RPS6KC1: variants seen among roughly 807,000 people sequenced by gnomAD.
RPS6KC1 encodes the protein ribosomal protein S6 kinase C1.
In RPS6KC1, 54 loss-of-function variants were observed where a neutral mutation model predicts 103.8. The ratio of observed to expected loss-of-function variants is 0.52; its 90% CI spans 0.42 to 0.65. The LOEUF (loss-of-function observed/expected upper bound fraction) is 0.65. Among genes scored for constraint, RPS6KC1 ranks in the 30% least tolerant of loss-of-function variants. RPS6KC1 has a pLI of 0.00. For synonymous variants in RPS6KC1, 439 were observed against 438.7 expected, an observed-to-expected ratio of 1.00 and a Z score of -0.01; for missense variants, 1,151 against 1,253.8, an observed-to-expected ratio of 0.92 and a Z score of 1.24.
the RPS6KC1 span, among the ~76,000 whole-genome samples, chr1:213,729,057 A>G: frequency 6.6e-6 from 1 of 150,692 alleles, no homozygotes; most frequent in Non-Finnish European, 1.5e-5. Flanking sequence ...ATCAGTAAAT[A>G]TGTCCAAAGT....
chr1:213,206,385 CT>C (rs1192895721), intron 8 of RPS6KC1, among the ~76,000 whole-genome samples: 1 of 152,170 alleles, frequency 6.6e-6, no homozygotes, highest in Non-Finnish European at 1.5e-5. Flanking sequence ...TAACAAATAC[CT>C]TTTGAATGCT....
chr1:213,176,445 C>T lies in RPS6KC1; in HGVS notation c.997C>T (p.Pro333Ser), dbSNP rs1198996790. The T allele has an allele frequency of 6.2e-7, 1 of 1,608,970 alleles. No individual in the cohort carries two copies. Among genetic ancestry groups the T allele is most frequent in the Non-Finnish European group, 8.5e-7 (1 of 1,176,294 alleles). Residue 333 changes from proline (P) to serine (S), a missense_variant, in exon 8 of 15, where the codon CCT (proline) becomes TCT (serine). This residue lies in a region of RPS6KC1 where 959 missense variants were observed against 1,006.3 expected (regional missense o/e 0.95). Coordinates refer to ENST00000366960, the MANE Select transcript of RPS6KC1 (RefSeq NM_012424.6). ...SSRPLWNLRS[P>S]AEELKAFRVL... ...AAGGCCCCTTTGGAACCTAAGGAGC[C>T]CTGCCGAGGAGCTGAAGGCCTTCAG...
chr1:213,457,318 GCT>G, the RPS6KC1 span, among the ~76,000 whole-genome samples: 8 of 152,196 alleles, frequency 5.3e-5, no homozygotes, highest in Non-Finnish European at 1.2e-4. Flanking sequence ...GGCTGACCGT[GCT>G]CTCTGGGGAT....
the RPS6KC1 span, among the ~76,000 whole-genome samples, chr1:213,651,416 A>T: frequency 2.6e-5 from 4 of 152,292 alleles, no homozygotes; most frequent in South Asian, 8.3e-4. Flanking sequence ...ATCGGCCCCC[A>T]CTGTTTTAGG....
intron 4 of RPS6KC1, 83 bp from the exon 5 acceptor site, chr1:213,117,234 T>C: frequency 3.0e-6 from 2 of 661,698 alleles, no homozygotes; most frequent in South Asian, 3.4e-5. Flanking sequence ...TCTTTACACA[T>C]ACTTAATTGG....
At chr1:213,560,300 G>T in the RPS6KC1 span, among the ~76,000 whole-genome samples, 1 of 152,110 alleles carries the variant, frequency 6.6e-6, no homozygotes, top group Non-Finnish European at 1.5e-5. Flanking sequence ...TTTAAATCTG[G>T]GTTTAGAGGT....
intron 5 of RPS6KC1, among the ~76,000 whole-genome samples, chr1:213,128,526 C>A (rs181136275): frequency 1.8e-4 from 27 of 152,228 alleles, no homozygotes; most frequent in Admixed American, 1.3e-4. Flanking sequence ...GTGGATCGTG[C>A]TCATTTACCA....
chr1:213,490,801 TG>T, the RPS6KC1 span, among the ~76,000 whole-genome samples: 3 of 152,186 alleles, frequency 2.0e-5, no homozygotes, highest in Non-Finnish European at 2.9e-5. Context: ...GGTTTGCCTT[TG>T]TCTTTGGGAT....
chr1:213,434,225 A>G, the RPS6KC1 span, among the ~76,000 whole-genome samples: 12 of 151,804 alleles, frequency 7.9e-5, no homozygotes, highest in Admixed American at 7.9e-4. Context: ...GTCCTTTAAC[A>G]TTTCTTGGAG....
At chr1:213,710,843 C>T in the RPS6KC1 span, among the ~76,000 whole-genome samples, 2 of 152,072 alleles carry the variant, frequency 1.3e-5, no homozygotes, top group African/African-American at 4.8e-5. Context: ...GAAAATTGGC[C>T]CCCACTCTCT....
At chr1:213,178,118 T>G (rs1198982884) in intron 8 of RPS6KC1, among the ~76,000 whole-genome samples, 1 of 151,226 alleles carries the variant, frequency 6.6e-6, no homozygotes, top group South Asian at 2.1e-4. Flanking sequence ...CTGGGGAGTT[T>G]GAGGCTGCCG....
At chr1:213,159,495 T>A (rs571107742) in intron 6 of RPS6KC1, among the ~76,000 whole-genome samples, 26 of 152,356 alleles carry the variant, frequency 1.7e-4, no homozygotes, top group Non-Finnish European at 3.8e-4. Context: ...CATCATCATT[T>A]GCTTAAAAAA....
At chr1:213,323,704 A>AT in the RPS6KC1 span, among the ~76,000 whole-genome samples, 60 of 151,308 alleles carry the variant, frequency 4.0e-4, no homozygotes, top group African/African-American at 1.4e-3. Context: ...TCAAGATTTT[A>AT]TTTTTTTTTA....
chr1:213,667,533 T>C, the RPS6KC1 span, among the ~76,000 whole-genome samples: 2 of 152,240 alleles, frequency 1.3e-5, no homozygotes, highest in Non-Finnish European at 2.9e-5. Context: ...GTAATCTTTT[T>C]GCTGGTGGAA....
intron 8 of RPS6KC1, among the ~76,000 whole-genome samples, chr1:213,198,646 A>AC (rs2093041350): frequency 6.6e-6 from 1 of 152,248 alleles, no homozygotes; most frequent in African/African-American, 2.4e-5. Flanking sequence ...AAATGGGAAG[A>AC]ATAGACTACT....
chr1:213,752,908 C>A, the RPS6KC1 span, among the ~76,000 whole-genome samples: 1 of 152,190 alleles, frequency 6.6e-6, no homozygotes, highest in Non-Finnish European at 1.5e-5. Context: ...TCACAAAGAG[C>A]AAACCAGAAG....
At chr1:213,116,093 A>C (rs974826404) in intron 4 of RPS6KC1, among the ~76,000 whole-genome samples, 22 of 151,844 alleles carry the variant, frequency 1.4e-4, no homozygotes, top group African/African-American at 5.3e-4. Flanking sequence ...GCTGAGTTCA[A>C]TTCCTGGGTA....
chr1:213,314,336 A>C, the RPS6KC1 span, among the ~76,000 whole-genome samples: 1 of 152,230 alleles, frequency 6.6e-6, no homozygotes, highest in Non-Finnish European at 1.5e-5. Flanking sequence ...GGACTTCAAC[A>C]TAGCTTTCTG....
the RPS6KC1 span, among the ~76,000 whole-genome samples, chr1:213,621,918 G>A: frequency 6.6e-6 from 1 of 152,122 alleles, no homozygotes; most frequent in East Asian, 1.9e-4. Context: ...CTGAAGGGCT[G>A]GCCGACCCTG....
Sources: allele counts gnomAD v4.1 joint callset (sites outside exome capture counted in the v4.1 genomes callset), GRCh38; gene constraint gnomAD v4.1.1; regional missense constraint gnomAD v4.1.1; transcripts MANE v1.5; gene names NCBI Gene and HGNC (gene_info 2026-07-23, HGNC 2026-07-21).